CASK: variants seen among roughly 807,000 people sequenced by gnomAD.
CASK encodes peripheral plasma membrane protein CASK.
Under a neutral mutation model 82.9 loss-of-function variants are expected in CASK, and 4 were observed. The ratio of observed to expected loss-of-function variants is 0.05; its 90% CI spans 0.02 to 0.11. The LOEUF is 0.11. Ranked by LOEUF, CASK falls within the 10% of genes least tolerant of loss-of-function variation. The probability of loss-of-function intolerance (pLI) is 1.00; values close to 1 mark genes in which losing one functional copy is unlikely to be tolerated. For missense variants in CASK, 358 were observed against 720.9 expected (o/e 0.50, Z 5.76); for synonymous variants, 259 against 253.5 (o/e 1.02, Z -0.20).
At chrX:41,625,966 T>TGTA (rs1297847161) in intron 10 of CASK, among the ~76,000 whole-genome samples, 1 of 96,922 alleles carries the variant, frequency 1.0e-5, no homozygotes, top group Non-Finnish European at 2.1e-5. Flanking sequence ...TTTTTTTTTT[T>TGTA]TTGTATTTTT....
chrX:41,662,547 T>C (rs1219814725), intron 7 of CASK, among the ~76,000 whole-genome samples: 2 of 111,121 alleles, frequency 1.8e-5, no homozygotes, highest in African/African-American at 6.5e-5. Context: ...TCCAGCACTT[T>C]GGGAGGCCGA....
At chrX:41,743,625 C>T (rs973522431) in intron 4 of CASK, 4 of 294,656 alleles carry the variant, frequency 1.4e-5, no homozygotes, top group South Asian at 2.1e-4. Flanking sequence ...GTCCCTTGCT[C>T]TTCAGCCAGA....
At chrX:41,572,330 G>T (rs1430210548) in intron 15 of CASK, among the ~76,000 whole-genome samples, 1 of 110,092 alleles carries the variant, frequency 9.1e-6, no homozygotes, top group Non-Finnish European at 1.9e-5. Flanking sequence ...ATACAGTCTG[G>T]TATAAATATA....
intron 5 of CASK, among the ~76,000 whole-genome samples, chrX:41,692,070 C>G (rs1342781651): frequency 1.8e-5 from 2 of 111,192 alleles, no homozygotes; most frequent in Non-Finnish European, 3.8e-5. Flanking sequence ...ACCTTTTGAT[C>G]TTTCATTACC....
intron 2 of CASK, among the ~76,000 whole-genome samples, chrX:41,852,638 C>T (rs1202396553): frequency 9.0e-6 from 1 of 111,300 alleles, no homozygotes; most frequent in Non-Finnish European, 1.9e-5. Flanking sequence ...CAAATTTTTA[C>T]ACATATATCA....
chrX:41,589,498 TA>T lies in CASK; in HGVS notation c.1233+16del. ...AATATGATGATGCCAAATACTTCTA[TA>T]AAATATATCACTTACCTCTTTGGCT... On this transcript the variant is annotated intron_variant, in intron 13 of 26. Coordinates refer to ENST00000378163, the MANE Select transcript of CASK (RefSeq NM_001367721.1). The T allele has an allele frequency of 8.8e-7, 1 of 1,136,187 alleles. No homozygotes were observed. The highest frequency in any genetic ancestry group is 1.8e-5 in the African/African-American group (1 of 56,506). 93.6% of individuals were successfully genotyped at this position (1,136,187 alleles called of 1,213,427 possible).
chrX:41,848,366 G>A (rs954121425), intron 2 of CASK, among the ~76,000 whole-genome samples: 6 of 112,185 alleles, frequency 5.3e-5, no homozygotes, highest in Middle Eastern at 4.6e-3. Context: ...ATGCCTTGGT[G>A]CCATCCTGGC....
chrX:41,810,016 A>C (rs1407127856), intron 2 of CASK, among the ~76,000 whole-genome samples: 3 of 112,231 alleles, frequency 2.7e-5, no homozygotes, highest in Non-Finnish European at 3.8e-5. Context: ...GAATGAAATG[A>C]AGCGAGAAGA....
chrX:41,798,346 A>G (rs1010307746), intron 2 of CASK, among the ~76,000 whole-genome samples: 29 of 112,568 alleles, frequency 2.6e-4, no homozygotes, highest in Non-Finnish European at 4.9e-4. Context: ...ATAAAATACA[A>G]AGATGAGATG....
intron 5 of CASK, among the ~76,000 whole-genome samples, chrX:41,720,272 T>C (rs1402563022): frequency 8.9e-6 from 1 of 112,746 alleles, no homozygotes; most frequent in Non-Finnish European, 1.9e-5. Flanking sequence ...GAGCTGCTTG[T>C]GGCAGGCGGT....
intron 6 of CASK, among the ~76,000 whole-genome samples, chrX:41,670,865 T>G (rs2067187802): frequency 8.9e-6 from 1 of 112,523 alleles, no homozygotes; most frequent in African/African-American, 3.2e-5. Flanking sequence ...ATATGAAATG[T>G]GCTGTGCAAG....
chrX:41,525,889 TG>T (rs1018029156), intron 25 of CASK, among the ~76,000 whole-genome samples: 1 of 111,829 alleles, frequency 8.9e-6, no homozygotes, highest in African/African-American at 3.3e-5. Context: ...CATCTTCTTG[TG>T]GGTTGAGGGA....
chrX:41,601,672 T>C lies in CASK; in HGVS notation c.1155+8232A>G, dbSNP rs188375983. On this transcript the variant is annotated intron_variant, in intron 12 of 26. Coordinates refer to ENST00000378163, the MANE Select transcript of CASK (RefSeq NM_001367721.1). ...TCAATCCAGCTTAAGAACATTTCCGTAATCCCCCCAAATTCCCTTGTGTCA... is the reference window on the plus strand; with the variant it reads ...TCAATCCAGCTTAAGAACATTTCCGCAATCCCCCCAAATTCCCTTGTGTCA... Among the ~76,000 whole-genome samples the C allele has an allele frequency of 5.4e-5, 6 of 111,770 alleles. No homozygotes were observed. In the East Asian group the frequency reaches 1.7e-3, roughly 31 times the overall value.
chrX:41,669,626 C>T (rs867762885), intron 6 of CASK, among the ~76,000 whole-genome samples: 12 of 111,943 alleles, frequency 1.1e-4, no homozygotes, highest in Non-Finnish European at 2.1e-4. Flanking sequence ...TTAACAGTGA[C>T]ATTTGTTTAA....
intron 2 of CASK, among the ~76,000 whole-genome samples, chrX:41,851,553 A>T (rs758690982): frequency 8.9e-6 from 1 of 112,000 alleles, no homozygotes; most frequent in East Asian, 2.8e-4. Flanking sequence ...ACCTCAGCCA[A>T]TGAGAAGGTA....
chrX:41,881,014 T>C (rs1360898239), intron 1 of CASK, among the ~76,000 whole-genome samples: 1 of 111,733 alleles, frequency 8.9e-6, no homozygotes, highest in African/African-American at 3.2e-5. Flanking sequence ...CATCCAGCTA[T>C]ACTAACCATA....
chrX:41,778,202 T>A (rs2069400711), intron 3 of CASK, among the ~76,000 whole-genome samples: 1 of 111,330 alleles, frequency 9.0e-6, no homozygotes, highest in Non-Finnish European at 1.9e-5. Context: ...TTTTTACAAG[T>A]TATGTATATG....
chrX:41,831,458 TTAAA>T (rs1277654657), intron 2 of CASK, among the ~76,000 whole-genome samples: 6 of 112,229 alleles, frequency 5.3e-5, no homozygotes, highest in Non-Finnish European at 9.4e-5. Flanking sequence ...GCCTGGCATT[TTAAA>T]TAGTGTTTGA....
At chrX:41,724,406 T>C (rs1448956530) in intron 5 of CASK, 1 of 112,700 alleles carries the variant, frequency 8.9e-6, no homozygotes, top group Non-Finnish European at 1.9e-5. Context: ...GCATATTAAC[T>C]ATGTAGACAG....
Sources: allele counts gnomAD v4.1 joint callset (sites outside exome capture counted in the v4.1 genomes callset), GRCh38; gene constraint gnomAD v4.1.1; transcripts MANE v1.5; gene names NCBI Gene and HGNC (gene_info 2026-07-23, HGNC 2026-07-21).